The following NIP7 variants were observed in gnomAD, a reference collection of about 807,000 sequenced individuals.
The protein encoded by NIP7 is nucleolar pre-rRNA processing protein NIP7, also known as 60S ribosome subunit biogenesis protein NIP7 homolog.
A neutral mutation model predicts 20.1 loss-of-function variants in NIP7; 12 were observed. That is an observed-to-expected ratio of 0.60 (90% CI 0.38 to 0.97). The LOEUF (loss-of-function observed/expected upper bound fraction) is 0.97, where lower values mean the gene tolerates loss of function less well. Ranked by LOEUF, NIP7 falls within the 50% of genes least tolerant of loss-of-function variation. The pLI is 0.00. For synonymous variants in NIP7, 103 were observed against 87.2 expected (o/e 1.18, Z -1.01); for missense variants, 226 against 226.6 (o/e 1.00, Z 0.02).
intron 4 of NIP7, 74 bp from the exon 5 acceptor site, chr16:69,341,459 T>TTA: frequency 6.3e-7 from 1 of 1,589,048 alleles, no homozygotes; most frequent in African/African-American, 1.4e-5. Context: ...TTTTCCGTCT[T>TTA]TGTTATTTCC....
chr16:69,340,598 A>G (rs1041908085), intron 3 of NIP7: 17 of 479,342 alleles, frequency 3.5e-5, no homozygotes, highest in African/African-American at 9.6e-5. Context: ...AGTGGCAGCA[A>G]TGAAGACACC....
Position 69,341,631 on chromosome 16 carries a change from G to T in NIP7, c.522G>T (p.Arg174=). 6.2e-7 allele frequency: 1 copy of T among 1,614,210 alleles called. No homozygotes were observed. Among genetic ancestry groups the T allele is most frequent in the Non-Finnish European group, 8.5e-7 (1 of 1,180,034 alleles). Residue 174 remains arginine (R), a synonymous_variant, in exon 5 of 5, where the codon CGG becomes CGT. Coordinates refer to ENST00000254940, the MANE Select transcript of NIP7 (RefSeq NM_016101.5). ...AAGCAGACATTGGGGAATATGTGCGGCATGAAGAGACGTTGACTTAAAACG... is the reference window on the plus strand; with the variant it reads ...AAGCAGACATTGGGGAATATGTGCGTCATGAAGAGACGTTGACTTAAAACG... ...FHQADIGEYV[R]HEETLT is the part of the protein sequence containing the mutation.
chr16:69,340,698 T>G (rs1417753340), intron 3 of NIP7: 1 of 242,216 alleles, frequency 4.1e-6, no homozygotes, highest in Non-Finnish European at 8.0e-6. Flanking sequence ...TTCTTTTTCT[T>G]TCTTGCTCTG....
At position 69,340,403 on chromosome 16, in the gene NIP7, C is replaced by T. The variant is rs181674376; in HGVS notation, c.282+71C>T. 553 of 1,566,498 alleles carry T rather than the reference C, an allele frequency of 3.5e-4. 1 individual carries two copies. In the African/African-American group the frequency reaches 6.5e-3, roughly 19 times the overall value. ...GATTAGGCAGATTGTCCGGCAGCTTCTCTCCCACAGAGTCCCTGACAGTGT... is the reference window on the plus strand; with the variant it reads ...GATTAGGCAGATTGTCCGGCAGCTTTTCTCCCACAGAGTCCCTGACAGTGT... On this transcript the variant is annotated intron_variant, in intron 3 of 4. Transcript: ENST00000254940.
rs987505883 is a variant in NIP7 at position 69,342,097 on chromosome 16, T to C, written c.*445T>C. ...ATTTGGCTAATAGGAGCAATTCAGC[T>C]ATTTTTCTATACAGTAATTGGTGTG... On this transcript the variant is annotated 3_prime_UTR_variant, in exon 5 of 5. Transcript: ENST00000254940. 1 of 154,922 alleles carries C rather than the reference T, an allele frequency of 6.5e-6. No individual in the cohort carries two copies. Among genetic ancestry groups the C allele is most frequent in the Non-Finnish European group, 1.4e-5 (1 of 69,916 alleles). 9.6% of individuals were successfully genotyped at this position (154,922 alleles called of 1,614,324 possible).
intron 3 of NIP7, chr16:69,340,885 GT>G (rs1202975280): frequency 3.8e-6 from 1 of 260,510 alleles, no homozygotes; most frequent in East Asian, 1.1e-4. Flanking sequence ...ATTTTTTTGT[GT>G]GTTTTTAGTA....
chr16:69,341,372 G>A (rs749267588), intron 4 of NIP7, 52 bp downstream of exon 4: 23 of 1,597,036 alleles, frequency 1.4e-5, no homozygotes, highest in Admixed American at 3.4e-5. Context: ...ATTCAAGAAG[G>A]GTATGTCTTC....
intron 3 of NIP7, 178 bp downstream of exon 3, chr16:69,340,510 T>C: frequency 2.6e-6 from 2 of 761,188 alleles, no homozygotes; most frequent in Non-Finnish European, 4.1e-6. Context: ...AGGAATGCTA[T>C]GTGGCTGCGT....
In NIP7 at chr16:69,340,396, G is replaced by A. The variant is rs774459914; in HGVS notation, c.282+64G>A. The A allele has an allele frequency of 1.4e-5, 22 of 1,576,712 alleles. No individual in the cohort carries two copies. The African/African-American group carries it at 2.6e-4, about 18-fold the overall frequency. On this transcript the variant is annotated intron_variant, in intron 3 of 4. Coordinates refer to ENST00000254940, the MANE Select transcript of NIP7 (RefSeq NM_016101.5). ...AGTCAAGGATTAGGCAGATTGTCCGGCAGCTTCTCTCCCACAGAGTCCCTG... is the reference window on the plus strand; with the variant it reads ...AGTCAAGGATTAGGCAGATTGTCCGACAGCTTCTCTCCCACAGAGTCCCTG...
chr16:69,341,909 C>T lies in NIP7; in HGVS notation c.*257C>T. The T allele has an allele frequency of 3.1e-6, 1 of 322,096 alleles. No homozygotes were observed. Among genetic ancestry groups the T allele is most frequent in the East Asian group, 5.7e-5 (1 of 17,602 alleles). 20.0% of individuals were successfully genotyped at this position (322,096 alleles called of 1,614,324 possible). A position where few individuals can be genotyped will look rare whatever the true frequency, so the allele number is the denominator to read the frequency against. On this transcript the variant is annotated 3_prime_UTR_variant, in exon 5 of 5. Transcript: ENST00000254940. ...TATTTGAATCAGAGGGCTTCTTGTT[C>T]TGAGAAATAGGTTCAAAATCATTGG...
At chr16:69,341,355 T>A in intron 4 of NIP7, 35 bp downstream of exon 4, 1 of 1,608,566 alleles carries the variant, frequency 6.2e-7, no homozygotes, top group Non-Finnish European at 8.5e-7. Flanking sequence ...AGAACTCAAG[T>A]ACTCTTATTC....
In NIP7 at chr16:69,341,871, G is replaced by A. The variant is rs2012566912; in HGVS notation, c.*219G>A. Reference sequence around the variant, plus strand: ...GGTTTCAGATCTTTGTGACGAAATAGAATACTGTTTCATATTTGAATCAGA... The same window carrying A: ...GGTTTCAGATCTTTGTGACGAAATAAAATACTGTTTCATATTTGAATCAGA... On this transcript the variant is annotated 3_prime_UTR_variant, in exon 5 of 5. Transcript: ENST00000254940. 2.3e-6 allele frequency: 1 copy of A among 426,236 alleles called. No homozygotes were observed. The highest frequency in any genetic ancestry group is 4.2e-6 in the Non-Finnish European group (1 of 240,916). The allele number at this position is 426,236 out of a possible 1,614,324, so 26.4% of individuals were successfully genotyped here.
chr16:69,340,345 G>C lies in NIP7; in HGVS notation c.282+13G>C, dbSNP rs1324280707. ...ACCTTATGCCAAGGTTTGTGGGGCG[G>C]TTTCCAATTCTGCCACGGGCGATGA... is the stretch of plus-strand genomic sequence containing the variant. On this transcript the variant is annotated intron_variant, in intron 3 of 4. Coordinates refer to ENST00000254940, the MANE Select transcript of NIP7 (RefSeq NM_016101.5). The C allele has an allele frequency of 2.5e-6, 4 of 1,607,236 alleles. No homozygotes were observed. The highest frequency in any genetic ancestry group is 3.4e-6 in the Non-Finnish European group (4 of 1,179,386).
Position 69,341,174 on chromosome 16 carries a change from TTATAG to T in NIP7, c.283-1_286del, listed in dbSNP as rs768115279. On this transcript the variant is annotated splice_acceptor_variant and splice_polypyrimidine_tract_variant and intron_variant, in intron 3 of 4. Coordinates refer to ENST00000254940, the MANE Select transcript of NIP7 (RefSeq NM_016101.5). LOFTEE classifies it high-confidence loss of function. ...TTATGTCTCTTGGATTTTAATTCTC[TTATAG>T]TATAAAGTTTGGATAAAGCCTGGTG... The T allele has an allele frequency of 1.9e-6, 3 of 1,610,588 alleles. No homozygotes were observed. The highest frequency in any genetic ancestry group is 2.5e-6 in the Non-Finnish European group (3 of 1,178,792).
At position 69,341,621 on chromosome 16, in the gene NIP7, A is replaced by G; in HGVS notation, c.512A>G (p.Glu171Gly). The G allele has an allele frequency of 6.2e-7, 1 of 1,614,152 alleles. No individual in the cohort carries two copies. The highest frequency in any genetic ancestry group is 8.5e-7 in the Non-Finnish European group (1 of 1,180,018). The change falls in exon 5 of 5, where the codon GAA becomes GGA. Residue 171 changes from glutamate (E) to glycine (G), a missense_variant. Physicochemically the swap from Glu to Gly is moderately conservative, Grantham distance 98. Transcript: ENST00000254940. ...IVVFHQADIGEYVRHEETLT is the reference protein window; with the variant it reads ...IVVFHQADIGGYVRHEETLT ...GTATTTCATCAAGCAGACATTGGGG[A>G]ATATGTGCGGCATGAAGAGACGTTG...
chr16:69,341,101 A>T, intron 3 of NIP7, 79 bp from the exon 4 acceptor site: 1 of 1,211,360 alleles, frequency 8.3e-7, no homozygotes, highest in Non-Finnish European at 1.2e-6. Context: ...AAAATTATTC[A>T]CAGATCCAGC....
intron 2 of NIP7, 41 bp from the exon 3 acceptor site, chr16:69,340,153 C>T (rs772671689): frequency 3.5e-5 from 57 of 1,613,272 alleles, no homozygotes; most frequent in Middle Eastern, 1.6e-4. Flanking sequence ...GTCCCACGAG[C>T]CTCCTTCATC....
chr16:69,341,246 G>A lies in NIP7; in HGVS notation c.349G>A (p.Gly117Ser). 6.2e-7 allele frequency: 1 copy of A among 1,614,110 alleles called. No individual in the cohort carries two copies. The highest frequency in any genetic ancestry group is 8.5e-7 in the Non-Finnish European group (1 of 1,179,976). ...GTATGGGAACCATGTGTTGAAATCTGGTCTGGGTCGAATCACTGAAAATAC... is the reference window on the plus strand; with the variant it reads ...GTATGGGAACCATGTGTTGAAATCTAGTCTGGGTCGAATCACTGAAAATAC... ...FLYGNHVLKSGLGRITENTSQ... is the reference protein window; with the variant it reads ...FLYGNHVLKSSLGRITENTSQ... The change falls in exon 4 of 5, where the codon GGT (glycine) becomes AGT (serine). Residue 117 changes from glycine to serine, a missense_variant. Physicochemically the swap from Gly to Ser is moderately conservative, Grantham distance 56. Transcript: ENST00000254940.
rs2012569572 is a variant in NIP7, at chr16:69,341,941, G to C, written c.*289G>C. The C allele has an allele frequency of 4.0e-6, 1 of 250,194 alleles. No individual in the cohort carries two copies. The highest frequency in any genetic ancestry group is 7.7e-6 in the Non-Finnish European group (1 of 129,886). 15.5% of individuals were successfully genotyped at this position (250,194 alleles called of 1,614,324 possible). The stretch of plus-strand genomic sequence containing the variant: ...ATAGGTTCAAAATCATTGGAACCAG[G>C]AACAAGAATAGCTTATTGTTATCTG... On this transcript the variant is annotated 3_prime_UTR_variant, in exon 5 of 5. Transcript: ENST00000254940.
Sources: allele counts gnomAD v4.1 joint callset, GRCh38; gene constraint gnomAD v4.1.1; transcripts MANE v1.5; gene names NCBI Gene and HGNC (gene_info 2026-07-23, HGNC 2026-07-21).